Variants in SH3D21 observed in about 807,000 individuals in gnomAD.
SH3D21 encodes manchette microtubule inner protein 1, also known as SH3 domain-containing protein 21.
A neutral mutation model predicts 82.1 loss-of-function variants in SH3D21; 83 were observed. The observed-to-expected ratio is 1.01, with a 90% CI of 0.85 to 1.21. The LOEUF is 1.21. Ranked by LOEUF, SH3D21 falls within the 50% of genes most tolerant of loss-of-function variation. The pLI is 0.00. For missense variants in SH3D21, 980 were observed against 962.1 expected (o/e 1.02, Z -0.25); for synonymous variants, 383 against 387.8 (o/e 0.99, Z 0.15).
In SH3D21 at chr1:36,320,656, GA is replaced by G; in HGVS notation, c.1994del (p.Asp665AlafsTer26). ...QKTRPIKPPP[D>X]SQETLALPSL... ...AACACGTCCTATCAAGCCGCCTCCA[GA>G]CTCCCAAGAGACGCTCGCGCTCCCC... is the stretch of plus-strand genomic sequence containing the variant. On this transcript the variant is annotated frameshift_variant, in exon 14 of 16. Transcript: ENST00000453908. LOFTEE classifies it high-confidence loss of function. 6.2e-7 allele frequency: 1 copy of G among 1,614,260 alleles called. No homozygotes were observed. Among genetic ancestry groups the G allele is most frequent in the Non-Finnish European group, 8.5e-7 (1 of 1,180,046 alleles).
chr1:36,309,905 T>G (rs944985285), intron 10 of SH3D21, among the ~76,000 whole-genome samples: 2 of 152,236 alleles, frequency 1.3e-5, no homozygotes, highest in Non-Finnish European at 2.9e-5. Context: ...GTGTCTTATG[T>G]GTCAGTGAAT....
chr1:36,308,223 A>G lies in SH3D21; in HGVS notation c.639+14A>G. 6.7e-7 allele frequency: 1 copy of G among 1,492,018 alleles called. No individual in the cohort carries two copies. The highest frequency in any genetic ancestry group is 9.1e-7 in the Non-Finnish European group (1 of 1,103,098). 92.4% of individuals were successfully genotyped at this position (1,492,018 alleles called of 1,614,324 possible). On this transcript the variant is annotated intron_variant, in intron 8 of 15. Transcript: ENST00000453908. ...GTACTCAGCAAGGTGTGAGACGAAC[A>G]GGGTGGGGGGGCCCAGGGAAGCCGG... is the stretch of plus-strand genomic sequence containing the variant.
chr1:36,306,939 C>G lies in SH3D21; in HGVS notation c.226+34C>G. On this transcript the variant is annotated intron_variant, in intron 3 of 15. Transcript: ENST00000453908. This position sits in a 1 kb window ranked among gnomAD's most constrained non-coding sequence, Gnocchi z 4.5. Reference sequence around the variant, plus strand: ...AAGGGCGGGGACGGGCGCCGGTGGGCGGGTGCACGGAGCCAGTGCGACCCC... The same window carrying G: ...AAGGGCGGGGACGGGCGCCGGTGGGGGGGTGCACGGAGCCAGTGCGACCCC... 1 of 1,334,256 alleles carries G rather than the reference C, an allele frequency of 7.5e-7. No homozygotes were observed. Among genetic ancestry groups the G allele is most frequent in the Non-Finnish European group, 9.7e-7 (1 of 1,029,922 alleles). 82.7% of individuals were successfully genotyped at this position (1,334,256 alleles called of 1,614,324 possible).
chr1:36,306,847 CCCAGAGA>C lies in SH3D21; in HGVS notation c.171_177del (p.Glu58CysfsTer31). The C allele has an allele frequency of 7.7e-7, 1 of 1,296,974 alleles. No individual in the cohort carries two copies. The highest frequency in any genetic ancestry group is 1.0e-6 in the Non-Finnish European group (1 of 991,040). 80.3% of individuals were successfully genotyped at this position (1,296,974 alleles called of 1,614,324 possible). ...CCCCGTGCCCTGATTCCCAGGAGAT[CCCAGAGA>C]CCCTGCGGGGCTCCGGAGAGGCGCG... On this transcript the variant is annotated frameshift_variant, in exon 3 of 16. Coordinates refer to ENST00000453908, the MANE Select transcript of SH3D21 (RefSeq NM_001162530.2). LOFTEE classifies it high-confidence loss of function. The surrounding 1 kb of genome is among the most constrained non-coding windows in gnomAD (Gnocchi z 4.5).
At chr1:36,310,310 G>A (rs1437338822) in intron 10 of SH3D21, among the ~76,000 whole-genome samples, 1 of 152,060 alleles carries the variant, frequency 6.6e-6, no homozygotes, top group Non-Finnish European at 1.5e-5. Flanking sequence ...TAACACATAT[G>A]TTATAAAATT....
chr1:36,309,674 C>T, intron 10 of SH3D21, 84 bp downstream of exon 10: 1 of 1,470,718 alleles, frequency 6.8e-7, no homozygotes, highest in Non-Finnish European at 9.3e-7. Context: ...CACAGCACCC[C>T]AGTGGTCCAG....
Position 36,320,409 on chromosome 1 carries a change from C to T in SH3D21, c.1746C>T (p.His582=), listed in dbSNP as rs754308426. 1.9e-5 allele frequency: 30 copies of T among 1,613,460 alleles called. No individual in the cohort carries two copies. In the Admixed American group the frequency reaches 2.2e-4, roughly 12 times the overall value. ...SRPALEKPHP[H]EEATTLPEEA... Reference sequence around the variant, plus strand: ...CTGCCCTTGAGAAGCCCCACCCCCACGAAGAGGCTACAACCCTTCCAGAGG... The same window carrying T: ...CTGCCCTTGAGAAGCCCCACCCCCATGAAGAGGCTACAACCCTTCCAGAGG... Residue 582 remains histidine, a synonymous_variant, in exon 14 of 16, where the codon CAC becomes CAT. Transcript: ENST00000453908.
chr1:36,308,194 A>C lies in SH3D21; in HGVS notation c.624A>C (p.Val208=), dbSNP rs749822602. ...DELALRRGDV[V]KVLSKTTEDK... ...TGGCGCTGCGGAGGGGGGACGTGGT[A>C]AAAGTACTCAGCAAGGTGTGAGACG... The change falls in exon 8 of 16, where the codon GTA becomes GTC. Residue 208 remains valine, a synonymous_variant. Coordinates refer to ENST00000453908, the MANE Select transcript of SH3D21 (RefSeq NM_001162530.2). The C allele has an allele frequency of 1.9e-6, 3 of 1,542,000 alleles. No individual in the cohort carries two copies. Among genetic ancestry groups the C allele is most frequent in the Non-Finnish European group, 2.6e-6 (3 of 1,142,016 alleles).
downstream of SH3D21, among the ~76,000 whole-genome samples, chr1:36,326,762 G>A (rs1217818630): frequency 2.0e-5 from 3 of 152,208 alleles, no homozygotes; most frequent in Non-Finnish European, 4.4e-5. Flanking sequence ...GTGGTGTTCT[G>A]AAGGGAGTTC....
Position 36,307,312 on chromosome 1 carries a change from TGGG to T in SH3D21, c.345+30_345+32del. On this transcript the variant is annotated intron_variant, in intron 4 of 15. Coordinates refer to ENST00000453908, the MANE Select transcript of SH3D21 (RefSeq NM_001162530.2). This position sits in a 1 kb window ranked among gnomAD's most constrained non-coding sequence, Gnocchi z 5.4. ...TGAGGGGTGAGGTGATGGGACCGTTTGGGGGAGGATGATGGAACGCGCCTCCCT... is the reference window on the plus strand; with the variant it reads ...TGAGGGGTGAGGTGATGGGACCGTTTGGAGGATGATGGAACGCGCCTCCCT... 1 of 1,550,992 alleles carries T rather than the reference TGGG, an allele frequency of 6.4e-7. No homozygotes were observed. The highest frequency in any genetic ancestry group is 8.7e-7 in the Non-Finnish European group (1 of 1,146,404).
rs768830048 is a variant in SH3D21 at position 36,320,602 on chromosome 1, C to T, written c.1939C>T (p.Pro647Ser). Reference sequence around the variant, plus strand: ...GGAAGTGGCTCCAAAAGAGGAGGTGCCCCCCATAGAAAGAGCCTTTGCCCA... The same window carrying T: ...GGAAGTGGCTCCAAAAGAGGAGGTGTCCCCCATAGAAAGAGCCTTTGCCCA... ...KEEVAPKEEV[P>S]PIERAFAQKT... Residue 647 changes from proline to serine, a missense_variant, in exon 14 of 16, where the codon CCC (proline) becomes TCC (serine). Pro to Ser is a moderately conservative substitution (Grantham distance 74). Coordinates refer to ENST00000453908, the MANE Select transcript of SH3D21 (RefSeq NM_001162530.2). 7.4e-6 allele frequency: 12 copies of T among 1,614,058 alleles called. No homozygotes were observed. Among genetic ancestry groups the T allele is most frequent in the Non-Finnish European group, 1.0e-5 (12 of 1,180,050 alleles).
Position 36,319,059 on chromosome 1 carries a change from C to T in SH3D21, c.770-12C>T. ...TGTCAGATGGATGAGTGCTCCACTC[C>T]TCTCTTCCCAGCTCCTATTAAGGAA... On this transcript the variant is annotated splice_polypyrimidine_tract_variant and intron_variant, in intron 10 of 15. Transcript: ENST00000453908. 1.3e-6 allele frequency: 2 copies of T among 1,490,522 alleles called. No homozygotes were observed. Among genetic ancestry groups the T allele is most frequent in the Non-Finnish European group, 1.8e-6 (2 of 1,091,270 alleles). 92.3% of individuals were successfully genotyped at this position (1,490,522 alleles called of 1,614,324 possible). A position where few individuals can be genotyped will look rare whatever the true frequency, so the allele number is the denominator to read the frequency against.
downstream of SH3D21, chr1:36,328,174 G>A (rs775671149): frequency 2.2e-6 from 1 of 455,338 alleles, no homozygotes; most frequent in South Asian, 1.5e-5. Context: ...GGAAGGACAG[G>A]CCTTGATGGA....
At chr1:36,308,496 C>T in intron 9 of SH3D21, 21 bp downstream of exon 9, 1 of 1,548,402 alleles carries the variant, frequency 6.5e-7, no homozygotes. Context: ...AGCCAAGACA[C>T]TCAGGTGGCA....
At chr1:36,323,634 C>T (rs1323267919), downstream of SH3D21, 3 of 151,990 alleles carry the variant, frequency 2.0e-5, no homozygotes, top group Non-Finnish European at 4.4e-5. Flanking sequence ...AAAGTTTCCT[C>T]CGAGGAAAGA....
At chr1:36,322,711 A>C (rs1350543993), downstream of SH3D21, 1 of 1,546,930 alleles carries the variant, frequency 6.5e-7, no homozygotes, top group Admixed American at 2.0e-5. Context: ...TAGAGGCCGA[A>C]GCTCTCGGGG....
At chr1:36,315,568 C>G (rs930588894) in intron 10 of SH3D21, among the ~76,000 whole-genome samples, 45 of 152,130 alleles carry the variant, frequency 3.0e-4, no homozygotes, top group African/African-American at 9.9e-4. Flanking sequence ...AGGCTGGTCT[C>G]GAACTCCTGA....
In SH3D21 at chr1:36,320,910, C is replaced by T. The variant is rs1220569311; in HGVS notation, c.2136-5C>T. On this transcript the variant is annotated splice_polypyrimidine_tract_variant and splice_region_variant and intron_variant, in intron 14 of 15. Coordinates refer to ENST00000453908, the MANE Select transcript of SH3D21 (RefSeq NM_001162530.2). ...CCAGCCCCTCACCTCCGCCTCGGCC[C>T]GCAGGAGGAAGCTGACCGACATCTG... The T allele has an allele frequency of 1.3e-6, 2 of 1,561,150 alleles. No homozygotes were observed. Among genetic ancestry groups the T allele is most frequent in the Non-Finnish European group, 1.7e-6 (2 of 1,152,710 alleles).
At chr1:36,327,736 A>G, downstream of SH3D21, 1 of 1,229,654 alleles carries the variant, frequency 8.1e-7, no homozygotes, top group Non-Finnish European at 1.0e-6. Context: ...GCCGTGGCCA[A>G]GCCAGGCCAG....
Sources: gnomAD v4.1 joint callset for allele counts (sites outside exome capture counted in the v4.1 genomes callset) on GRCh38, gnomAD v4.1.1 for gene constraint, Gnocchi (gnomAD v3.1) non-coding constraint, MANE v1.5 for transcripts, NCBI Gene and HGNC (gene_info 2026-07-23, HGNC 2026-07-21) for gene names.